LTAP1: variants seen among roughly 807,000 people sequenced by gnomAD.
LTAP1 encodes the protein HCV NS5A-transactivated protein 4.
At chr1:154,214,844 ATT>A in the LTAP1 span, among the ~76,000 whole-genome samples, 190 of 140,312 alleles carry the variant, frequency 1.4e-3, 1 homozygote, top group South Asian at 9.0e-3. Context: ...ATTATTTCCA[ATT>A]TTTTTTTTTT....
chr1:154,210,088 C>T, the LTAP1 span, among the ~76,000 whole-genome samples: 3 of 151,758 alleles, frequency 2.0e-5, no homozygotes, highest in South Asian at 2.1e-4. Context: ...CTGTCACCCA[C>T]GCTGGAGTGG....
At chr1:154,219,984 T>C in the LTAP1 span, 2 of 1,426,042 alleles carry the variant, frequency 1.4e-6, no homozygotes, top group African/African-American at 3.4e-5. Flanking sequence ...TCAGTTTTGT[T>C]TTGTTTTTTT....
At chr1:154,212,626 T>A in the LTAP1 span, 3 of 1,613,738 alleles carry the variant, frequency 1.9e-6, no homozygotes, top group Non-Finnish European at 2.5e-6. Flanking sequence ...ATGGGATCTC[T>A]GTGGAGAAAA....
chr1:154,219,943 C>T, the LTAP1 span: 4 of 1,580,100 alleles, frequency 2.5e-6, no homozygotes, highest in Non-Finnish European at 3.4e-6. Flanking sequence ...AACACCTGTC[C>T]AAAAAGATGT....
At chr1:154,213,582 G>A in the LTAP1 span, among the ~76,000 whole-genome samples, 1 of 152,204 alleles carries the variant, frequency 6.6e-6, no homozygotes, top group African/African-American at 2.4e-5. Flanking sequence ...TCTATCTTGG[G>A]CTTAGTGAAA....
the LTAP1 span, chr1:154,212,463 T>TC: frequency 6.2e-7 from 1 of 1,614,146 alleles, no homozygotes; most frequent in Non-Finnish European, 8.5e-7. Context: ...CTTACCCCTG[T>TC]CCCATAGCGG....
At chr1:154,216,791 G>T in the LTAP1 span, among the ~76,000 whole-genome samples, 2 of 151,896 alleles carry the variant, frequency 1.3e-5, no homozygotes, top group South Asian at 2.1e-4. Flanking sequence ...TGGGATTACA[G>T]GCGTGAACCA....
the LTAP1 span, chr1:154,206,818 C>G: frequency 5.7e-4 from 89 of 155,704 alleles, no homozygotes; most frequent in Non-Finnish European, 1.0e-3. Flanking sequence ...TGTCACATAG[C>G]CTGGCAGATT....
At chr1:154,207,757 CTA>C in the LTAP1 span, 1 of 898,552 alleles carries the variant, frequency 1.1e-6, no homozygotes, top group Non-Finnish European at 1.7e-6. Context: ...TATTTGTGTC[CTA>C]TCTGTCCTAT....
At chr1:154,212,157 G>C in the LTAP1 span, 5 of 789,946 alleles carry the variant, frequency 6.3e-6, no homozygotes, top group East Asian at 2.5e-5. Flanking sequence ...GTGCCCGGCC[G>C]CATCTGCTTT....
At chr1:154,209,397 GTTCATT>G in the LTAP1 span, among the ~76,000 whole-genome samples, 10 of 138,784 alleles carry the variant, frequency 7.2e-5, no homozygotes, top group Admixed American at 3.7e-4. Context: ...CTTTCTACAT[GTTCATT>G]TTCATCAGTG....
the LTAP1 span, among the ~76,000 whole-genome samples, chr1:154,219,279 G>A: frequency 6.6e-6 from 1 of 152,196 alleles, no homozygotes; most frequent in Non-Finnish European, 1.5e-5. Flanking sequence ...AATTTCATCT[G>A]TAGCTAAAGC....
At chr1:154,208,117 G>GA in the LTAP1 span, among the ~76,000 whole-genome samples, 4 of 150,820 alleles carry the variant, frequency 2.7e-5, no homozygotes, top group African/African-American at 9.7e-5. Flanking sequence ...AAAAGTAGCA[G>GA]AGAGGCTGGG....
the LTAP1 span, chr1:154,219,858 G>A: frequency 1.2e-6 from 2 of 1,611,776 alleles, no homozygotes. Context: ...GTGTCCCACA[G>A]GGACATGAGG....
chr1:154,219,847 T>G, the LTAP1 span: 6 of 1,606,684 alleles, frequency 3.7e-6, no homozygotes, highest in Non-Finnish European at 5.1e-6. Context: ...TTGGGGGCAT[T>G]GTGTCCCACA....
the LTAP1 span, among the ~76,000 whole-genome samples, chr1:154,209,753 AT>A: frequency 1.5e-3 from 217 of 143,394 alleles, 1 homozygote; most frequent in Non-Finnish European, 1.6e-3. Context: ...CGCCCGGCTA[AT>A]TTTTTTTTTT....
the LTAP1 span, among the ~76,000 whole-genome samples, chr1:154,214,283 GA>G: frequency 6.7e-6 from 1 of 148,722 alleles, no homozygotes; most frequent in South Asian, 2.1e-4. Context: ...TCTCAAAAAA[GA>G]AAAAAAAAAT....
At chr1:154,218,530 A>T in the LTAP1 span, among the ~76,000 whole-genome samples, 2 of 152,236 alleles carry the variant, frequency 1.3e-5, no homozygotes, top group Non-Finnish European at 2.9e-5. Flanking sequence ...TCAGCAAAGA[A>T]CAAAGAGGGG....
chr1:154,218,022 T>C, the LTAP1 span, among the ~76,000 whole-genome samples: 1 of 152,194 alleles, frequency 6.6e-6, no homozygotes, highest in African/African-American at 2.4e-5. Context: ...CTGTAACTCC[T>C]GGGCTCACAT....
Sources: allele counts gnomAD v4.1 joint callset (sites outside exome capture counted in the v4.1 genomes callset), GRCh38; gene constraint gnomAD v4.1.1; transcripts MANE v1.5; gene names NCBI Gene and HGNC (gene_info 2026-07-23, HGNC 2026-07-21).